PHEX: variants seen among roughly 807,000 people sequenced by gnomAD.
PHEX encodes the protein phosphate regulating endopeptidase X-linked, also known as phosphate-regulating neutral endopeptidase PHEX.
A neutral mutation model predicts 68.0 loss-of-function variants in PHEX; 16 were observed. That is an observed-to-expected ratio of 0.24 (90% CI 0.16 to 0.36). The LOEUF is 0.36. Among genes scored for constraint, PHEX ranks in the 10% least tolerant of loss-of-function variants. The probability of loss-of-function intolerance (pLI) is 1.00; values close to 1 mark genes in which losing one functional copy is unlikely to be tolerated. For synonymous variants in PHEX, 208 were observed against 205.1 expected, an observed-to-expected ratio of 1.01 and a Z score of -0.12; for missense variants, 480 against 575.5, an observed-to-expected ratio of 0.83 and a Z score of 1.70.
chrX:22,137,666 C>T (rs766793023), intron 12 of PHEX, among the ~76,000 whole-genome samples: 10 of 111,227 alleles, frequency 9.0e-5, no homozygotes, highest in African/African-American at 3.3e-4. Context: ...CCTGGGAACT[C>T]ATTAGAGATG....
At chrX:22,063,522 G>A (rs1336383948) in intron 3 of PHEX, among the ~76,000 whole-genome samples, 1 of 112,059 alleles carries the variant, frequency 8.9e-6, no homozygotes, top group East Asian at 2.8e-4. Flanking sequence ...GAATGCGTGG[G>A]AGGTGCTGGG....
chrX:22,184,198 T>G (rs1933960868), intron 14 of PHEX, among the ~76,000 whole-genome samples: 1 of 111,513 alleles, frequency 9.0e-6, no homozygotes. Context: ...ATTTAAGGTC[T>G]TCTTTGCATA....
At chrX:22,048,317 C>G (rs1927640280) in intron 3 of PHEX, among the ~76,000 whole-genome samples, 1 of 111,360 alleles carries the variant, frequency 9.0e-6, no homozygotes, top group Non-Finnish European at 1.9e-5. Context: ...AAGGAAAATT[C>G]TCATACTATA....
intron 12 of PHEX, among the ~76,000 whole-genome samples, chrX:22,158,180 T>G (rs1933007081): frequency 8.9e-6 from 1 of 112,307 alleles, no homozygotes; most frequent in Admixed American, 9.5e-5. Flanking sequence ...CAATCATTTG[T>G]TTGGCATTAT....
chrX:22,136,845 C>G lies in PHEX; in HGVS notation c.1404+3221C>G, dbSNP rs1932253046. ...GGGTAAATTTGTTTTCTCTGTCTCCCTGCCTTTTCCTGCTCATCTCTTAAG... is the reference window on the plus strand; with the variant it reads ...GGGTAAATTTGTTTTCTCTGTCTCCGTGCCTTTTCCTGCTCATCTCTTAAG... On this transcript the variant is annotated intron_variant, in intron 12 of 21. Transcript: ENST00000379374. Among the ~76,000 whole-genome samples the G allele has an allele frequency of 2.7e-5, 3 of 111,127 alleles. No individual in the cohort carries two copies. The South Asian group carries it at 1.2e-3, about 43-fold the overall frequency.
chrX:22,185,841 C>A lies in PHEX; in HGVS notation c.1587-4603C>A, dbSNP rs771565054. On this transcript the variant is annotated intron_variant, in intron 14 of 21. Transcript: ENST00000379374. ...CGTGATCTCGGCTCACTGCAACCTC[C>A]GTCTCCCAGGTTCAAGCGATTCTCC... Among the ~76,000 whole-genome samples the A allele has an allele frequency of 8.4e-5, 9 of 106,596 alleles. No homozygotes were observed. In the East Asian group the frequency reaches 2.3e-3, roughly 28 times the overall value. 92.6% of individuals were successfully genotyped at this position (106,596 alleles called of 115,157 possible).
chrX:22,173,018 G>A (rs1933586613), intron 13 of PHEX: 1 of 78,794 alleles, frequency 1.3e-5, no homozygotes, highest in Non-Finnish European at 2.2e-5. Context: ...ACTAGTGTGT[G>A]TGTGTAGTGT....
chrX:22,227,721 A>AGCAAAAATGTTATCTTGATTATTTT, intron 20 of PHEX, 110 bp downstream of exon 20: 1 of 537,742 alleles, frequency 1.9e-6, no homozygotes. Context: ...TTTGATTTTC[A>AGCAAAAATGTTATCTTGATTATTTT]GCAAAAATGT....
chrX:22,168,491 G>A (rs914776711), intron 13 of PHEX, 102 bp downstream of exon 13: 31 of 552,102 alleles, frequency 5.6e-5, no homozygotes, highest in Admixed American at 7.6e-5. Flanking sequence ...GGTGATGCCA[G>A]AAAACACCAA....
chrX:22,133,938 G>T (rs1372743171), intron 12 of PHEX, among the ~76,000 whole-genome samples: 3 of 112,176 alleles, frequency 2.7e-5, no homozygotes. Context: ...CACTGGATAT[G>T]GCAGAATGCA....
In PHEX at chrX:22,230,237, T is replaced by G. The variant is rs1333788935; in HGVS notation, c.2070+2626T>G. ...TTTTGGCTATATGGGCTCTTTTTTT[T>G]TTTTTTTTTTTTTTTTTTTTTTTTT... On this transcript the variant is annotated intron_variant, in intron 20 of 21. Transcript: ENST00000379374. Among the ~76,000 whole-genome samples the G allele has an allele frequency of 1.2e-3, 89 of 75,833 alleles. 1 individual carries two copies. Among genetic ancestry groups the G allele is most frequent in the Non-Finnish European group, 1.9e-3 (77 of 39,929 alleles). The allele number at this position is 75,833 out of a possible 115,157, so 65.9% of individuals were successfully genotyped here.
chrX:22,150,327 A>G (rs998458434), intron 12 of PHEX, among the ~76,000 whole-genome samples: 5 of 111,171 alleles, frequency 4.5e-5, no homozygotes, highest in Non-Finnish European at 7.5e-5. Flanking sequence ...CAAGCTCCCA[A>G]TGGAGGCCGA....
chrX:22,191,493 A>G (rs1934198377), intron 15 of PHEX, among the ~76,000 whole-genome samples: 3 of 112,564 alleles, frequency 2.7e-5, no homozygotes, highest in Non-Finnish European at 3.7e-5. Flanking sequence ...ATGCATACCT[A>G]TGACCATGAT....
intron 16 of PHEX, among the ~76,000 whole-genome samples, chrX:22,216,507 ATTTATTTAT>A (rs1935098152): frequency 1.4e-5 from 1 of 69,458 alleles, no homozygotes; most frequent in South Asian, 5.8e-4. Context: ...TTATTTATTT[ATTTATTTAT>A]TTATTTATTT....
At chrX:22,143,285 A>T (rs1361838052) in intron 12 of PHEX, among the ~76,000 whole-genome samples, 2 of 112,299 alleles carry the variant, frequency 1.8e-5, no homozygotes, top group Non-Finnish European at 3.8e-5. Flanking sequence ...AGAAGAAAGG[A>T]CTTGAAATGT....
chrX:22,037,315 T>C (rs1184093513), intron 1 of PHEX, among the ~76,000 whole-genome samples: 6 of 110,667 alleles, frequency 5.4e-5, no homozygotes. Flanking sequence ...AGCAGAAATA[T>C]AGGTACTGCC....
At chrX:22,219,135 T>G in intron 17 of PHEX, 32 bp downstream of exon 17, 4 of 924,721 alleles carry the variant, frequency 4.3e-6, no homozygotes, top group Non-Finnish European at 6.3e-6. Context: ...AAGCTGCTGC[T>G]TTTATAATAA....
intron 3 of PHEX, among the ~76,000 whole-genome samples, chrX:22,061,581 A>G (rs1013377769): frequency 8.1e-5 from 9 of 111,378 alleles, no homozygotes; most frequent in African/African-American, 2.9e-4. Flanking sequence ...ATTTAATAAT[A>G]TCATTAGTTA....
At chrX:22,123,366 A>C (rs908895962) in intron 11 of PHEX, among the ~76,000 whole-genome samples, 1 of 111,018 alleles carries the variant, frequency 9.0e-6, no homozygotes, top group African/African-American at 3.3e-5. Context: ...TAAAGCTGTC[A>C]GTGCTGTGTA....
Sources: gnomAD v4.1 joint callset for allele counts (sites outside exome capture counted in the v4.1 genomes callset) on GRCh38, gnomAD v4.1.1 for gene constraint, MANE v1.5 for transcripts, NCBI Gene and HGNC (gene_info 2026-07-23, HGNC 2026-07-21) for gene names.